DGCR2: variants seen among roughly 807,000 people sequenced by gnomAD.
DGCR2 encodes DiGeorge syndrome critical region gene 2, also known as integral membrane protein DGCR2/IDD.
A neutral mutation model predicts 51.6 loss-of-function variants in DGCR2; 24 were observed. The ratio of observed to expected loss-of-function variants is 0.47; its 90% CI spans 0.34 to 0.65. DGCR2 has a LOEUF of 0.65. DGCR2 is among the 30% of genes least tolerant of loss of function. The pLI, the probability that DGCR2 is intolerant of heterozygous loss-of-function variation, is 0.01. For missense variants in DGCR2, 765 were observed against 772.1 expected (o/e 0.99, Z 0.11); for synonymous variants, 340 against 315.4 (o/e 1.08, Z -0.82).
At chr22:19,042,869 T>G (rs1004791096) in intron 7 of DGCR2, among the ~76,000 whole-genome samples, 9 of 152,120 alleles carry the variant, frequency 5.9e-5, no homozygotes, top group African/African-American at 2.2e-4. Context: ...AGCCTGTCAC[T>G]CCAATCCTTA....
chr22:19,073,032 G>T (rs188918801), intron 2 of DGCR2, among the ~76,000 whole-genome samples: 1 of 152,218 alleles, frequency 6.6e-6, no homozygotes, highest in East Asian at 1.9e-4. Context: ...TGAGGCAGGA[G>T]GATTGCTTGA....
At chr22:19,056,728 A>C (rs2082607318) in intron 6 of DGCR2, among the ~76,000 whole-genome samples, 1 of 152,076 alleles carries the variant, frequency 6.6e-6, no homozygotes, top group Non-Finnish European at 1.5e-5. Context: ...ACACTGCAAC[A>C]GGGAGGACAG....
intron 5 of DGCR2, among the ~76,000 whole-genome samples, chr22:19,062,775 G>GCTGTCTCTCTCTCTCTCTCTCTCT (rs2082686000): frequency 9.2e-6 from 1 of 108,860 alleles, no homozygotes; most frequent in Non-Finnish European, 1.9e-5. Context: ...ACACATGCAT[G>GCTGTCTCTCTCTCTCTCTCTCTCT]CTCACTCTCT....
chr22:19,092,981 AGGAAGAAAGAAG>A lies in DGCR2; in HGVS notation c.80-3503_80-3492del. Among the ~76,000 whole-genome samples, 4 of 123,460 alleles carry A rather than the reference AGGAAGAAAGAAG, an allele frequency of 3.2e-5. No individual in the cohort carries two copies. The East Asian group carries it at 6.6e-4, about 20-fold the overall frequency. The allele number at this position is 123,460 out of a possible 152,430, so 81.0% of individuals were successfully genotyped here. ...AGTTAAAAAAAGGAGGAGGAAGAGG[AGGAAGAAAGAAG>A]AGAAGAAGGAGGAGGAGGAGGAAGA... On this transcript the variant is annotated intron_variant, in intron 1 of 9. Transcript: ENST00000263196.
intron 1 of DGCR2, among the ~76,000 whole-genome samples, chr22:19,094,883 A>C (rs2083121407): frequency 6.6e-6 from 1 of 152,240 alleles, no homozygotes; most frequent in South Asian, 2.1e-4. Flanking sequence ...GTATGTACTC[A>C]AAAGAATACC....
chr22:19,056,988 C>T lies in DGCR2; in HGVS notation c.800G>A (p.Arg267Lys). 6.3e-7 allele frequency: 1 copy of T among 1,581,008 alleles called. No homozygotes were observed. Among genetic ancestry groups the T allele is most frequent in the Non-Finnish European group, 8.6e-7 (1 of 1,162,900 alleles). ...CYEKSSFLCK[R>K]SQTCVDIKDN... is the part of the protein sequence containing the mutation. ...AACGCCAGCTCAAGGGGGCTTACTT[C>T]TTTTACACAGAAATGAAGACTTCTC... is the stretch of plus-strand genomic sequence containing the variant. Residue 267 changes from arginine (R) to lysine (K), a missense_variant and splice_region_variant, in exon 6 of 10, where the codon AGA becomes AAA. Arg to Lys is a conservative substitution (Grantham distance 26). Transcript: ENST00000263196.
chr22:19,046,182 A>G (rs942561933), intron 7 of DGCR2: 5 of 152,122 alleles, frequency 3.3e-5, no homozygotes, highest in African/African-American at 1.2e-4. Flanking sequence ...CTTTTATTTA[A>G]GCCTTTTTGT....
Position 19,041,819 on chromosome 22 carries a change from T to C in DGCR2, c.1147A>G (p.Ile383Val), listed in dbSNP as rs1229746143. The change falls in exon 8 of 10, where the codon ATT becomes GTT. Residue 383 changes from isoleucine (I) to valine (V), a missense_variant. Coordinates refer to ENST00000263196, the MANE Select transcript of DGCR2 (RefSeq NM_005137.3). ...AGAGGGCACTTACAGTTTGCTCCAATCAGGGACTCGATGCGCTCCCGGCGC... is the reference window on the plus strand; with the variant it reads ...AGAGGGCACTTACAGTTTGCTCCAACCAGGGACTCGATGCGCTCCCGGCGC... ...QRRRERIESL[I>V]GANLHHFNLG... 1.2e-6 allele frequency: 2 copies of C among 1,612,204 alleles called. No individual in the cohort carries two copies. The highest frequency in any genetic ancestry group is 1.7e-6 in the Non-Finnish European group (2 of 1,179,792).
At chr22:19,116,534 T>C (rs1480359239) in intron 1 of DGCR2, among the ~76,000 whole-genome samples, 1 of 152,174 alleles carries the variant, frequency 6.6e-6, no homozygotes, top group Non-Finnish European at 1.5e-5. Context: ...TCTCTCGGGA[T>C]TACCGAGCCC....
intron 6 of DGCR2, chr22:19,056,598 GAGA>G (rs1161196828): frequency 1.4e-5 from 5 of 368,788 alleles, no homozygotes; most frequent in Admixed American, 4.6e-5. Flanking sequence ...AAGGTAAACA[GAGA>G]AGCAGAGAAG....
chr22:19,063,286 GCACAGAGA>G lies in DGCR2; in HGVS notation c.549-16_549-9del, dbSNP rs751358530. On this transcript the variant is annotated splice_polypyrimidine_tract_variant and intron_variant, in intron 4 of 9. Coordinates refer to ENST00000263196, the MANE Select transcript of DGCR2 (RefSeq NM_005137.3). ...TGATAGCCAACCCACAACCTGCAGG[GCACAGAGA>G]CAGAGACAGAGATCTCAGCGGCAGG... The G allele has an allele frequency of 5.8e-5, 93 of 1,613,508 alleles. No homozygotes were observed. Among genetic ancestry groups the G allele is most frequent in the Non-Finnish European group, 7.7e-5 (91 of 1,179,596 alleles).
chr22:19,086,718 C>T (rs564410310), intron 2 of DGCR2, among the ~76,000 whole-genome samples: 5 of 152,264 alleles, frequency 3.3e-5, no homozygotes, highest in African/African-American at 4.8e-5. Flanking sequence ...TCGTAACTTT[C>T]GGCTTCTATG....
At chr22:19,082,422 T>C (rs1200779144) in intron 2 of DGCR2, among the ~76,000 whole-genome samples, 1 of 151,920 alleles carries the variant, frequency 6.6e-6, no homozygotes, top group Non-Finnish European at 1.5e-5. Context: ...GTCATTTTTA[T>C]TTTAGAGTGA....
intron 1 of DGCR2, among the ~76,000 whole-genome samples, chr22:19,109,788 A>C (rs2083295507): frequency 6.6e-6 from 1 of 151,944 alleles, no homozygotes. Flanking sequence ...TACGTTATTA[A>C]AAAAAAACTG....
chr22:19,108,958 G>A (rs2083287534), intron 1 of DGCR2, among the ~76,000 whole-genome samples: 1 of 152,062 alleles, frequency 6.6e-6, no homozygotes, highest in East Asian at 1.9e-4. Flanking sequence ...TTGAACCCAG[G>A]AGGTCAAGGT....
At chr22:19,058,619 G>T (rs759961487) in intron 5 of DGCR2, among the ~76,000 whole-genome samples, 1 of 152,152 alleles carries the variant, frequency 6.6e-6, no homozygotes. Context: ...AACCAAACAG[G>T]TTCCTTCCAA....
At chr22:19,062,413 C>T (rs981369246) in intron 5 of DGCR2, among the ~76,000 whole-genome samples, 1 of 152,228 alleles carries the variant, frequency 6.6e-6, no homozygotes, top group Non-Finnish European at 1.5e-5. Context: ...CCCTTTTCAA[C>T]CCTGTCCCCA....
rs770757798 is a variant in DGCR2 at position 19,068,267 on chromosome 22, C to T, written c.203-42G>A. The T allele has an allele frequency of 1.7e-5, 26 of 1,535,172 alleles. No individual in the cohort carries two copies. In the East Asian group the frequency reaches 2.1e-4, roughly 12 times the overall value. On this transcript the variant is annotated intron_variant, in intron 2 of 9. Transcript: ENST00000263196. Reference sequence around the variant, plus strand: ...ATGTGTGCTGTGAGTCCTGCCTGTGCAGTCGCAGTCTCCCTGGCCAGCATG... The same window carrying T: ...ATGTGTGCTGTGAGTCCTGCCTGTGTAGTCGCAGTCTCCCTGGCCAGCATG...
chr22:19,064,568 C>T (rs925435209), intron 4 of DGCR2, among the ~76,000 whole-genome samples: 6 of 152,208 alleles, frequency 3.9e-5, no homozygotes, highest in Non-Finnish European at 8.8e-5. Flanking sequence ...CGCTCAGCAA[C>T]TGCACTTGTA....
Sources: allele counts gnomAD v4.1 joint callset (sites outside exome capture counted in the v4.1 genomes callset), GRCh38; gene constraint gnomAD v4.1.1; transcripts MANE v1.5; gene names NCBI Gene and HGNC (gene_info 2026-07-23, HGNC 2026-07-21).